Variants in ILDR1 observed in about 807,000 individuals in gnomAD.
ILDR1 encodes immunoglobulin like domain containing receptor 1, also known as immunoglobulin-like domain-containing receptor 1.
ILDR1 carries 56 observed loss-of-function variants against 62.4 expected under a neutral mutation model. The observed-to-expected ratio is 0.90, with a 90% CI of 0.72 to 1.12. The LOEUF (loss-of-function observed/expected upper bound fraction) is 1.12, where lower values mean the gene tolerates loss of function less well. ILDR1 is among the 50% of genes most tolerant of loss of function. ILDR1 has a pLI of 0.00. For missense variants in ILDR1, 736 were observed against 710.6 expected, an observed-to-expected ratio of 1.04 and a Z score of -0.41; for synonymous variants, 284 against 277.8, an observed-to-expected ratio of 1.02 and a Z score of -0.22.
chr3:122,008,217 A>AT (rs1021503630), intron 1 of ILDR1, among the ~76,000 whole-genome samples: 9 of 152,112 alleles, frequency 5.9e-5, no homozygotes, highest in African/African-American at 2.2e-4. Flanking sequence ...TTAAGAGGAG[A>AT]TTTTTCCTTT....
chr3:121,992,374 G>A (rs955635953), intron 7 of ILDR1, among the ~76,000 whole-genome samples: 97 of 152,240 alleles, frequency 6.4e-4, no homozygotes, highest in African/African-American at 2.3e-3. Context: ...CTGACCTCAG[G>A]TGATCCACCC....
At chr3:122,004,339 C>T (rs1300187034) in intron 3 of ILDR1, among the ~76,000 whole-genome samples, 1 of 152,174 alleles carries the variant, frequency 6.6e-6, no homozygotes, top group African/African-American at 2.4e-5. Context: ...TCCAAAAGTA[C>T]ACGGAGTGAT....
chr3:122,007,407 A>G (rs977189675), intron 1 of ILDR1: 2 of 623,246 alleles, frequency 3.2e-6, no homozygotes, highest in South Asian at 3.8e-5. Flanking sequence ...TTTACAGTGC[A>G]TTAACAGTGA....
upstream of ILDR1, among the ~76,000 whole-genome samples, chr3:122,024,517 T>G (rs2071904947): frequency 6.6e-6 from 1 of 152,256 alleles, no homozygotes; most frequent in African/African-American, 2.4e-5. Context: ...TCTACCTTCA[T>G]GGCTTCTCTT....
rs2071621714 is a variant in ILDR1 at position 122,006,983 on chromosome 3, A to G, written c.229+8T>C. The G allele has an allele frequency of 6.2e-7, 1 of 1,610,886 alleles. No homozygotes were observed. Among genetic ancestry groups the G allele is most frequent in the African/African-American group, 1.3e-5 (1 of 74,938 alleles). On this transcript the variant is annotated splice_region_variant and intron_variant, in intron 2 of 7. Coordinates refer to ENST00000344209, the MANE Select transcript of ILDR1 (RefSeq NM_001199799.2). The stretch of plus-strand genomic sequence containing the variant: ...CCCACAGAGGGCCAAGGGGGTAAGG[A>G]TACTCACACGCTGAGTAGTAGTCAA...
At chr3:122,013,876 T>C (rs2071739675) in intron 1 of ILDR1, among the ~76,000 whole-genome samples, 1 of 152,170 alleles carries the variant, frequency 6.6e-6, no homozygotes. Flanking sequence ...GCACTTACTA[T>C]GTTGTTTGAC....
intron 1 of ILDR1, 55 bp downstream of exon 1, chr3:122,021,965 C>G: frequency 6.5e-7 from 1 of 1,545,988 alleles, no homozygotes; most frequent in Non-Finnish European, 8.8e-7. Context: ...GGCCACGCCA[C>G]AATGGCTTCC....
At position 122,001,368 on chromosome 3, in the gene ILDR1, A is replaced by G; in HGVS notation, c.586T>C (p.Tyr196His). 1 of 1,614,164 alleles carries G rather than the reference A, an allele frequency of 6.2e-7. No homozygotes were observed. Among genetic ancestry groups the G allele is most frequent in the Non-Finnish European group, 8.5e-7 (1 of 1,180,014 alleles). Residue 196 changes from tyrosine to histidine, a missense_variant, in exon 5 of 8, where the codon TAT becomes CAT. By Grantham distance (83) the Tyr-to-His change is moderately conservative. Transcript: ENST00000344209. ...GVCWCQCCPQYCCCYIRCPCC... is the reference protein window; with the variant it reads ...GVCWCQCCPQHCCCYIRCPCC... ...GGACAGCGGATATAGCAGCAGCAAT[A>G]CTGAGGACAGCACTGGCACCAGCAC...
At chr3:122,030,550 C>T in the ILDR1 span, among the ~76,000 whole-genome samples, 1 of 151,674 alleles carries the variant, frequency 6.6e-6, no homozygotes. Context: ...CTGCAGCCAA[C>T]TATGGATGGT....
At chr3:122,035,342 C>T in the ILDR1 span, among the ~76,000 whole-genome samples, 3 of 152,094 alleles carry the variant, frequency 2.0e-5, no homozygotes, top group East Asian at 5.8e-4. Flanking sequence ...GTGAAGGCCC[C>T]CCATGAAGCA....
the ILDR1 span, among the ~76,000 whole-genome samples, chr3:122,054,745 G>A: frequency 6.6e-6 from 1 of 152,078 alleles, no homozygotes; most frequent in African/African-American, 2.4e-5. Flanking sequence ...TATAGTTTCT[G>A]CTTGATTAAT....
At chr3:122,006,608 G>C (rs1235075331) in intron 2 of ILDR1, among the ~76,000 whole-genome samples, 1 of 152,074 alleles carries the variant, frequency 6.6e-6, no homozygotes, top group East Asian at 1.9e-4. Flanking sequence ...CATTTGTGCT[G>C]AGTGTAGAGT....
intron 7 of ILDR1, among the ~76,000 whole-genome samples, chr3:121,991,305 A>ATT (rs1439326162): frequency 2.0e-5 from 3 of 152,242 alleles, no homozygotes; most frequent in African/African-American, 7.2e-5. Flanking sequence ...AAGTCACATA[A>ATT]TTTAACTTAC....
At chr3:121,997,371 C>T (rs2071452169) in intron 5 of ILDR1, among the ~76,000 whole-genome samples, 1 of 152,242 alleles carries the variant, frequency 6.6e-6, no homozygotes, top group African/African-American at 2.4e-5. Context: ...CCAGCAGATG[C>T]TTCTGGGTCC....
the ILDR1 span, among the ~76,000 whole-genome samples, chr3:122,048,827 G>T: frequency 2.0e-5 from 3 of 151,922 alleles, no homozygotes; most frequent in Admixed American, 6.6e-5. Context: ...ATAGAGACAG[G>T]GTCTTGCTAC....
intron 1 of ILDR1, among the ~76,000 whole-genome samples, chr3:122,014,907 T>C (rs1305518770): frequency 2.0e-5 from 3 of 152,162 alleles, no homozygotes; most frequent in African/African-American, 7.2e-5. Flanking sequence ...TTCACCCAGG[T>C]TAGTGACTCA....
chr3:122,001,109 G>A (rs2107655160), intron 5 of ILDR1, among the ~76,000 whole-genome samples, 199 bp downstream of exon 5: 1 of 152,306 alleles, frequency 6.6e-6, no homozygotes, highest in South Asian at 2.1e-4. Flanking sequence ...GGAGTGGACA[G>A]GCAAATGTCC....
chr3:121,988,725 A>G (rs2107635027), intron 7 of ILDR1, among the ~76,000 whole-genome samples: 1 of 152,316 alleles, frequency 6.6e-6, no homozygotes, highest in East Asian at 1.9e-4. Context: ...AAAAAGGGGT[A>G]CCCTGTTCCA....
chr3:122,022,111 G>A lies in ILDR1; in HGVS notation c.-34C>T. 1.3e-6 allele frequency: 2 copies of A among 1,568,078 alleles called. No homozygotes were observed. The highest frequency in any genetic ancestry group is 1.3e-5 in the African/African-American group (1 of 74,082). ...CTTTCTGGCCCTTTTCAGCTCAGGGGCTTCGGGGCACTGCGTCTTTCTTCC... is the reference window on the plus strand; with the variant it reads ...CTTTCTGGCCCTTTTCAGCTCAGGGACTTCGGGGCACTGCGTCTTTCTTCC... On this transcript the variant is annotated 5_prime_UTR_variant, in exon 1 of 8. Transcript: ENST00000344209.
Sources: allele counts gnomAD v4.1 joint callset (sites outside exome capture counted in the v4.1 genomes callset), GRCh38; gene constraint gnomAD v4.1.1; transcripts MANE v1.5; gene names NCBI Gene and HGNC (gene_info 2026-07-23, HGNC 2026-07-21).